AGBL4: variants seen among roughly 807,000 people sequenced by gnomAD.
AGBL4 encodes the protein AGBL carboxypeptidase 4.
Under a neutral mutation model 66.4 loss-of-function variants are expected in AGBL4, and 58 were observed. That is an observed-to-expected ratio of 0.87 (90% CI 0.71 to 1.09). The LOEUF (loss-of-function observed/expected upper bound fraction) is 1.09, where lower values mean the gene tolerates loss of function less well. Among genes scored for constraint, AGBL4 ranks in the 50% least tolerant of loss-of-function variants. The probability of loss-of-function intolerance (pLI) is 0.00; values close to 1 mark genes in which losing one functional copy is unlikely to be tolerated. For synonymous variants in AGBL4, 234 were observed against 222.9 expected, an observed-to-expected ratio of 1.05 and a Z score of -0.44; for missense variants, 579 against 631.0, an observed-to-expected ratio of 0.92 and a Z score of 0.88.
chr1:49,064,821 CT>C (rs766255398), intron 4 of AGBL4, among the ~76,000 whole-genome samples: 7 of 152,212 alleles, frequency 4.6e-5, no homozygotes, highest in Admixed American at 6.5e-5. Context: ...ATTTCTCCAA[CT>C]AAAAAACAAG....
chr1:49,464,637 C>T (rs1470118811), intron 3 of AGBL4, among the ~76,000 whole-genome samples: 2 of 151,624 alleles, frequency 1.3e-5, no homozygotes, highest in African/African-American at 2.4e-5. Flanking sequence ...ACTGGAAACA[C>T]AGAGATGGAA....
intron 3 of AGBL4, among the ~76,000 whole-genome samples, chr1:49,253,217 C>T (rs894736909): frequency 6.6e-6 from 1 of 152,026 alleles, no homozygotes; most frequent in Non-Finnish European, 1.5e-5. Flanking sequence ...CAAAAATCTA[C>T]CAAGCAAACA....
intron 3 of AGBL4, among the ~76,000 whole-genome samples, chr1:49,413,729 T>C (rs1248130864): frequency 6.6e-6 from 1 of 152,208 alleles, no homozygotes; most frequent in Non-Finnish European, 1.5e-5. Flanking sequence ...GCCTGATCTA[T>C]ACAAGGCTTG....
At chr1:48,839,647 T>C (rs1646754980) in intron 6 of AGBL4, among the ~76,000 whole-genome samples, 1 of 152,032 alleles carries the variant, frequency 6.6e-6, no homozygotes, top group Non-Finnish European at 1.5e-5. Flanking sequence ...GGTGATGAAT[T>C]AGGAGGTTGG....
At chr1:48,884,501 A>G (rs1261361332) in intron 5 of AGBL4, among the ~76,000 whole-genome samples, 1 of 152,070 alleles carries the variant, frequency 6.6e-6, no homozygotes, top group Non-Finnish European at 1.5e-5. Context: ...GAAGAATTAC[A>G]GTTTCTCTGA....
At chr1:49,617,613 T>C (rs543870167) in intron 3 of AGBL4, among the ~76,000 whole-genome samples, 1 of 152,348 alleles carries the variant, frequency 6.6e-6, no homozygotes, top group South Asian at 2.1e-4. Flanking sequence ...AACCTGTACC[T>C]TGACTTTAAA....
At chr1:48,640,225 G>A (rs1386483535) in intron 8 of AGBL4, among the ~76,000 whole-genome samples, 2 of 152,172 alleles carry the variant, frequency 1.3e-5, no homozygotes, top group Non-Finnish European at 2.9e-5. Flanking sequence ...ATTTACATAT[G>A]ACTGCATAAT....
At chr1:49,530,087 T>A (rs1558025150) in intron 3 of AGBL4, among the ~76,000 whole-genome samples, 1 of 151,728 alleles carries the variant, frequency 6.6e-6, no homozygotes, top group Admixed American at 6.6e-5. Flanking sequence ...CTTCTGTACA[T>A]GGTATGAAAC....
At chr1:48,699,441 T>C (rs550230450) in intron 6 of AGBL4, among the ~76,000 whole-genome samples, 22 of 152,354 alleles carry the variant, frequency 1.4e-4, no homozygotes, top group Non-Finnish European at 1.8e-4. Context: ...TTTGCTGTCA[T>C]GCCCATATTC....
At chr1:49,530,322 G>A (rs909534531) in intron 3 of AGBL4, among the ~76,000 whole-genome samples, 6 of 134,218 alleles carry the variant, frequency 4.5e-5, no homozygotes, top group Middle Eastern at 4.4e-3. Context: ...TTACGTTTGA[G>A]GGTACATGTG....
At chr1:49,718,465 A>G (rs1334247759) in intron 2 of AGBL4, among the ~76,000 whole-genome samples, 2 of 152,120 alleles carry the variant, frequency 1.3e-5, no homozygotes, top group Non-Finnish European at 2.9e-5. Flanking sequence ...TCATATATTT[A>G]TTTGCAGCAA....
At chr1:49,186,058 C>T (rs1333610425) in intron 4 of AGBL4, among the ~76,000 whole-genome samples, 3 of 152,086 alleles carry the variant, frequency 2.0e-5, no homozygotes, top group South Asian at 2.1e-4. Flanking sequence ...TAGAGTTCCC[C>T]GATGCTCCAC....
intron 1 of AGBL4, among the ~76,000 whole-genome samples, chr1:49,948,295 A>T (rs941438917): frequency 5.0e-4 from 54 of 107,712 alleles, no homozygotes; most frequent in African/African-American, 2.2e-3. Context: ...TAAATATATA[A>T]AAATATATAT....
chr1:49,624,168 TA>T (rs369258515), intron 3 of AGBL4, among the ~76,000 whole-genome samples: 3 of 152,272 alleles, frequency 2.0e-5, no homozygotes, highest in Admixed American at 6.5e-5. Flanking sequence ...CCATCATTTT[TA>T]ACACTCAGTA....
chr1:48,786,774 C>T (rs1381753170), intron 6 of AGBL4, among the ~76,000 whole-genome samples: 1 of 152,070 alleles, frequency 6.6e-6, no homozygotes, highest in East Asian at 1.9e-4. Flanking sequence ...TGGTAATCAC[C>T]TCTTACTGCC....
At chr1:49,671,211 C>G (rs1041358311) in intron 3 of AGBL4, among the ~76,000 whole-genome samples, 2 of 152,006 alleles carry the variant, frequency 1.3e-5, no homozygotes, top group Non-Finnish European at 2.9e-5. Flanking sequence ...TTTGACAAAG[C>G]TATCCAAAAA....
At chr1:48,778,344 C>T (rs1185142155) in intron 6 of AGBL4, among the ~76,000 whole-genome samples, 1 of 152,204 alleles carries the variant, frequency 6.6e-6, no homozygotes, top group Non-Finnish European at 1.5e-5. Context: ...ACTTGAATCT[C>T]AGTTTTGGGT....
At chr1:49,021,037 G>A (rs1663205510) in intron 5 of AGBL4, among the ~76,000 whole-genome samples, 1 of 152,182 alleles carries the variant, frequency 6.6e-6, no homozygotes, top group South Asian at 2.1e-4. Flanking sequence ...CTGCCCTAGA[G>A]GCATAAGGAT....
intron 1 of AGBL4, among the ~76,000 whole-genome samples, chr1:49,950,112 GTATATACACATATGTGTA>G (rs1656002201): frequency 7.6e-6 from 1 of 132,102 alleles, no homozygotes; most frequent in South Asian, 2.3e-4. Flanking sequence ...ATATACATAT[GTATATACACATATGTGTA>G]TATATATACA....
Sources: gnomAD v4.1 joint callset for allele counts (sites outside exome capture counted in the v4.1 genomes callset) on GRCh38, gnomAD v4.1.1 for gene constraint, MANE v1.5 for transcripts, NCBI Gene and HGNC (gene_info 2026-07-23, HGNC 2026-07-21) for gene names.